The following IGFBP5 variants were observed in gnomAD, a reference collection of about 807,000 sequenced individuals.
IGFBP5 encodes insulin-like growth factor-binding protein 5.
A neutral mutation model predicts 28.0 loss-of-function variants in IGFBP5; 12 were observed. The observed-to-expected ratio is 0.43, with a 90% CI of 0.27 to 0.69. The LOEUF is 0.69. IGFBP5 is among the 30% of genes least tolerant of loss of function. The pLI is 0.20. For synonymous variants in IGFBP5, 152 were observed against 150.2 expected, an observed-to-expected ratio of 1.01 and a Z score of -0.09; for missense variants, 344 against 381.6, an observed-to-expected ratio of 0.90 and a Z score of 0.82.
chr2:216,685,883 T>A (rs1320158025), intron 1 of IGFBP5, among the ~76,000 whole-genome samples: 3 of 152,172 alleles, frequency 2.0e-5, no homozygotes, highest in Admixed American at 2.0e-4. Context: ...TTTTTGTTTT[T>A]GTTTTTTGTT....
chr2:216,691,016 G>A, intron 1 of IGFBP5, among the ~76,000 whole-genome samples: 1 of 152,044 alleles, frequency 6.6e-6, no homozygotes, highest in Non-Finnish European at 1.5e-5. Flanking sequence ...TTGTTTCAGA[G>A]GGAGGGGGTG....
rs2241197 is a variant in IGFBP5 at position 216,674,368 on chromosome 2, G to A, written c.*2383C>T. ...AGGCCTTGTGGCTGCTGGCCCTATC[G>A]GGCCCCTTTGTCTCATGAAGATTGA... On this transcript the variant is annotated 3_prime_UTR_variant, in exon 4 of 4. Transcript: ENST00000233813. This position sits in a 1 kb window ranked among gnomAD's most constrained non-coding sequence, Gnocchi z 4.4. The A allele has an allele frequency of 0.059, 8,995 of 153,114 alleles. 376 individuals carry two copies. The highest frequency in any genetic ancestry group is 0.11 in the African/African-American group (4,428 of 41,500). 9.5% of individuals were successfully genotyped at this position (153,114 alleles called of 1,614,324 possible). A position where few individuals can be genotyped will look rare whatever the true frequency, so the allele number is the denominator to read the frequency against.
In IGFBP5 at chr2:216,694,408, C is replaced by A. The variant is rs1689141929; in HGVS notation, c.337+31G>T. Reference sequence around the variant, plus strand: ...TCTCGTGTCCCCCGCCCGTGCGCCGCGTAACTGACTGGCACACTGAGCGCG... The same window carrying A: ...TCTCGTGTCCCCCGCCCGTGCGCCGAGTAACTGACTGGCACACTGAGCGCG... On this transcript the variant is annotated intron_variant, in intron 1 of 3. Coordinates refer to ENST00000233813, the MANE Select transcript of IGFBP5 (RefSeq NM_000599.4). This position sits in a 1 kb window ranked among gnomAD's most constrained non-coding sequence, Gnocchi z 5.2. 3 of 1,459,010 alleles carry A rather than the reference C, an allele frequency of 2.1e-6. No individual in the cohort carries two copies. The South Asian group carries it at 4.1e-5, about 20-fold the overall frequency. 90.4% of individuals were successfully genotyped at this position (1,459,010 alleles called of 1,614,324 possible).
At position 216,694,632 on chromosome 2, in the gene IGFBP5, G is replaced by C. The variant is rs1038958208; in HGVS notation, c.144C>G (p.Val48=). The part of the protein sequence containing the change: ...CPPSPLGCEL[V]KEPGCGCCMT... ...TGCAGCAGCCGCAGCCCGGCTCCTT[G>C]ACCAGCTCGCAGCCCAGGGGGCTGG... The change falls in exon 1 of 4, where the codon GTC becomes GTG. Residue 48 remains valine, a synonymous_variant. Transcript: ENST00000233813. The surrounding 1 kb of genome is among the most constrained non-coding windows in gnomAD (Gnocchi z 5.2). 2.0e-6 allele frequency: 3 copies of C among 1,534,978 alleles called. No individual in the cohort carries two copies. The highest frequency in any genetic ancestry group is 2.6e-6 in the Non-Finnish European group (3 of 1,143,224).
intron 1 of IGFBP5, among the ~76,000 whole-genome samples, chr2:216,682,988 G>T (rs1295755495): frequency 6.6e-6 from 1 of 152,126 alleles, no homozygotes; most frequent in Non-Finnish European, 1.5e-5. Flanking sequence ...GATTACAGGC[G>T]TGAGCCACCA....
rs7585038 is a variant in IGFBP5, at chr2:216,679,739, G to C, written c.338-660C>G. Among the ~76,000 whole-genome samples the C allele has an allele frequency of 1.3e-5, 2 of 152,080 alleles. No individual in the cohort carries two copies. The highest frequency in any genetic ancestry group is 3.9e-4 in the East Asian group (2 of 5,180). On this transcript the variant is annotated intron_variant, in intron 1 of 3. Coordinates refer to ENST00000233813, the MANE Select transcript of IGFBP5 (RefSeq NM_000599.4). The surrounding 1 kb of genome is among the most constrained non-coding windows in gnomAD (Gnocchi z 4.6). Reference sequence around the variant, plus strand: ...AGGGGAGAGCCAGAAATGTAGGCCCGGAGGGGACCGGCGTGGGGCCAAGTG... The same window carrying C: ...AGGGGAGAGCCAGAAATGTAGGCCCCGAGGGGACCGGCGTGGGGCCAAGTG...
chr2:216,686,228 T>C (rs1689033456), intron 1 of IGFBP5, among the ~76,000 whole-genome samples: 1 of 152,184 alleles, frequency 6.6e-6, no homozygotes, highest in Admixed American at 6.5e-5. Flanking sequence ...GGAATATATC[T>C]CTATCCTTAC....
intron 1 of IGFBP5, among the ~76,000 whole-genome samples, chr2:216,687,395 C>T (rs1689044445): frequency 6.6e-6 from 1 of 151,548 alleles, no homozygotes; most frequent in Admixed American, 6.6e-5. Context: ...GGGAAGGTGA[C>T]ACCTCACAGA....
chr2:216,673,608 A>G lies in IGFBP5; in HGVS notation c.*3143T>C, dbSNP rs1307778878. Reference sequence around the variant, plus strand: ...GAGCATGGGAGTGGGCAGCACTTAGATTCGGAGCCATGGATAGTCCGGAGT... The same window carrying G: ...GAGCATGGGAGTGGGCAGCACTTAGGTTCGGAGCCATGGATAGTCCGGAGT... On this transcript the variant is annotated 3_prime_UTR_variant, in exon 4 of 4. Transcript: ENST00000233813. This position sits in a 1 kb window ranked among gnomAD's most constrained non-coding sequence, Gnocchi z 4.3. 1.3e-5 allele frequency: 2 copies of G among 152,438 alleles called. No individual in the cohort carries two copies. Among genetic ancestry groups the G allele is most frequent in the Non-Finnish European group, 2.9e-5 (2 of 68,114 alleles). 9.4% of individuals were successfully genotyped at this position (152,438 alleles called of 1,614,324 possible). A position where few individuals can be genotyped will look rare whatever the true frequency, so the allele number is the denominator to read the frequency against.
intron 3 of IGFBP5, 31 bp downstream of exon 3, chr2:216,678,081 C>A: frequency 7.0e-7 from 1 of 1,421,060 alleles, no homozygotes; most frequent in Admixed American, 2.5e-5. Flanking sequence ...TTGGAGCAGT[C>A]TGAGCCTGGA....
intron 1 of IGFBP5, among the ~76,000 whole-genome samples, chr2:216,688,186 G>T (rs1689053771): frequency 6.6e-6 from 1 of 152,138 alleles, no homozygotes; most frequent in African/African-American, 2.4e-5. Context: ...TTATTGGAAA[G>T]ATTTTAAAGT....
rs1207836524 is a variant in IGFBP5 at position 216,692,678 on chromosome 2, T to C, written c.337+1761A>G. 2.0e-5 allele frequency among the ~76,000 whole-genome samples: 3 copies of C among 152,022 alleles called. No homozygotes were observed. In the East Asian group the frequency reaches 5.8e-4, roughly 29 times the overall value. On this transcript the variant is annotated intron_variant, in intron 1 of 3. Coordinates refer to ENST00000233813, the MANE Select transcript of IGFBP5 (RefSeq NM_000599.4). The surrounding 1 kb of genome is among the most constrained non-coding windows in gnomAD (Gnocchi z 4.2). ...GGCAGGACCGCCTTTGAAAAGTGGA[T>C]CTTAATAAAAATAATCTCACAAGCC...
chr2:216,680,486 G>A (rs956361013), intron 1 of IGFBP5, among the ~76,000 whole-genome samples: 6 of 152,276 alleles, frequency 3.9e-5, no homozygotes, highest in African/African-American at 1.4e-4. Flanking sequence ...TGAGCTTGCA[G>A]CCCTGGGCAA....
intron 1 of IGFBP5, among the ~76,000 whole-genome samples, chr2:216,690,401 G>C (rs942222040): frequency 6.6e-6 from 1 of 152,168 alleles, no homozygotes; most frequent in African/African-American, 2.4e-5. Flanking sequence ...CTCTTCTCCA[G>C]AGTTTTATTT....
chr2:216,678,232 CTG>C lies in IGFBP5; in HGVS notation c.568-3_568-2del. ...CCTCCATGTGTCTGCGGCAGGGGCC[CTG>C]TGTGGACAGGAGGGTGAGAGGCGTG... On this transcript the variant is annotated splice_acceptor_variant and splice_polypyrimidine_tract_variant and intron_variant, in intron 2 of 3. Transcript: ENST00000233813. LOFTEE classifies it high-confidence loss of function. The C allele has an allele frequency of 6.4e-7, 1 of 1,559,342 alleles. No individual in the cohort carries two copies. Among genetic ancestry groups the C allele is most frequent in the Non-Finnish European group, 8.7e-7 (1 of 1,150,152 alleles).
At chr2:216,690,330 G>A (rs1363616660) in intron 1 of IGFBP5, among the ~76,000 whole-genome samples, 1 of 152,154 alleles carries the variant, frequency 6.6e-6, no homozygotes, top group Non-Finnish European at 1.5e-5. Context: ...CCCCTGGTTG[G>A]TACCTGCTCT....
chr2:216,677,809 G>A (rs866573920), intron 3 of IGFBP5, among the ~76,000 whole-genome samples: 9 of 152,262 alleles, frequency 5.9e-5, no homozygotes, highest in African/African-American at 1.7e-4. Context: ...CTGAGTGTGC[G>A]GTGCACCAAT....
chr2:216,694,320 C>G lies in IGFBP5; in HGVS notation c.337+119G>C. 1 of 807,554 alleles carries G rather than the reference C, an allele frequency of 1.2e-6. No individual in the cohort carries two copies. Among genetic ancestry groups the G allele is most frequent in the Non-Finnish European group, 1.8e-6 (1 of 540,770 alleles). 50.0% of individuals were successfully genotyped at this position (807,554 alleles called of 1,614,324 possible). On this transcript the variant is annotated intron_variant, in intron 1 of 3. Transcript: ENST00000233813. This position sits in a 1 kb window ranked among gnomAD's most constrained non-coding sequence, Gnocchi z 5.2. ...TCCGGGGTGCAAGGACCCTCCCCGACTACTCCCGAGCTGCACCCCAGCTCG... is the reference window on the plus strand; with the variant it reads ...TCCGGGGTGCAAGGACCCTCCCCGAGTACTCCCGAGCTGCACCCCAGCTCG...
intron 3 of IGFBP5, 100 bp from the exon 4 acceptor site, chr2:216,676,982 C>T: frequency 7.4e-7 from 1 of 1,355,502 alleles, no homozygotes; most frequent in Non-Finnish European, 1.0e-6. Context: ...GACTCTCATC[C>T]CCAGAGAGTT....
Sources: gnomAD v4.1 joint callset for allele counts (sites outside exome capture counted in the v4.1 genomes callset) on GRCh38, gnomAD v4.1.1 for gene constraint, Gnocchi (gnomAD v3.1) non-coding constraint, MANE v1.5 for transcripts, NCBI Gene and HGNC (gene_info 2026-07-23, HGNC 2026-07-21) for gene names.